NDE1: variants seen among roughly 807,000 people sequenced by gnomAD.
The protein encoded by NDE1 is nuclear distribution protein nudE homolog 1.
NDE1 carries 28 observed loss-of-function variants against 43.4 expected under a neutral mutation model. That is an observed-to-expected ratio of 0.65 (90% CI 0.48 to 0.89). NDE1 has a LOEUF of 0.89. Ranked by LOEUF, NDE1 falls within the 40% of genes least tolerant of loss-of-function variation. The pLI, the probability that NDE1 is intolerant of heterozygous loss-of-function variation, is 0.00. For synonymous variants in NDE1, 184 were observed against 172.0 expected (o/e 1.07, Z -0.55); for missense variants, 441 against 434.1 (o/e 1.02, Z -0.14).
At chr16:15,663,952 G>A (rs1162219113) in intron 1 of NDE1, among the ~76,000 whole-genome samples, 7 of 152,170 alleles carry the variant, frequency 4.6e-5, no homozygotes, top group East Asian at 1.9e-4. Context: ...CTGTAAAATC[G>A]CAGTTGCTCG....
chr16:15,654,794 T>C (rs922555030), intron 1 of NDE1, among the ~76,000 whole-genome samples: 2 of 148,950 alleles, frequency 1.3e-5, no homozygotes, highest in Non-Finnish European at 3.0e-5. Flanking sequence ...ACGGTGTTTC[T>C]GCTTCCAAGA....
At chr16:15,679,841 C>T (rs900965701) in intron 4 of NDE1, among the ~76,000 whole-genome samples, 12 of 152,110 alleles carry the variant, frequency 7.9e-5, no homozygotes, top group Non-Finnish European at 1.6e-4. Flanking sequence ...TGCAGTGGTG[C>T]GATCTCTGCT....
At chr16:15,705,934 G>A (rs966140851) in intron 8 of NDE1, among the ~76,000 whole-genome samples, 1 of 131,904 alleles carries the variant, frequency 7.6e-6, no homozygotes, top group African/African-American at 2.9e-5. Flanking sequence ...GCAGTGAGCC[G>A]AGATGTGGCC....
At chr16:15,697,716 AAGTT>A (rs1479730979) in intron 8 of NDE1, among the ~76,000 whole-genome samples, 1 of 152,048 alleles carries the variant, frequency 6.6e-6, no homozygotes, top group East Asian at 1.9e-4. Context: ...CCATATCAAA[AAGTT>A]AATTAATTAG....
At chr16:15,694,662 G>A in intron 7 of NDE1, 1 of 985,316 alleles carries the variant, frequency 1.0e-6, no homozygotes, top group Non-Finnish European at 1.2e-6. Flanking sequence ...TCATAGCAGT[G>A]TGGTGAGTTT....
chr16:15,646,302 C>T (rs542792127), upstream of NDE1, among the ~76,000 whole-genome samples: 7 of 152,298 alleles, frequency 4.6e-5, no homozygotes, highest in Non-Finnish European at 1.0e-4. Flanking sequence ...GGGGGCCAGG[C>T]GCAGTGGCTC....
chr16:15,719,852 T>C, intron 8 of NDE1: 1 of 1,299,236 alleles, frequency 7.7e-7, no homozygotes, highest in African/African-American at 1.5e-5. Flanking sequence ...AGCATGGCTC[T>C]CAGTTCCAGG....
At chr16:15,694,011 A>G (rs2038885154) in intron 6 of NDE1, among the ~76,000 whole-genome samples, 154 bp from the exon 7 acceptor site, 3 of 152,200 alleles carry the variant, frequency 2.0e-5, no homozygotes, top group African/African-American at 7.2e-5. Flanking sequence ...TGGGTGTGTG[A>G]TGCGGTTAAC....
intron 5 of NDE1, among the ~76,000 whole-genome samples, chr16:15,689,939 A>C (rs1156547565): frequency 0.25 from 7,454 of 29,544 alleles, 206 homozygotes; most frequent in African/African-American, 0.33. Flanking sequence ...ACTCCATCTC[A>C]AAAAAAAAAA....
Position 15,650,262 on chromosome 16 carries a change from C to A in NDE1, c.-76C>A, listed in dbSNP as rs1312387102. 5 of 307,910 alleles carry A rather than the reference C, an allele frequency of 1.6e-5. No homozygotes were observed. Among genetic ancestry groups the A allele is most frequent in the African/African-American group, 6.8e-5 (3 of 44,112 alleles). The allele number at this position is 307,910 out of a possible 1,614,324, so 19.1% of individuals were successfully genotyped here. A position where few individuals can be genotyped will look rare whatever the true frequency, so the allele number is the denominator to read the frequency against. On this transcript the variant is annotated 5_prime_UTR_variant, in exon 1 of 9. Coordinates refer to ENST00000396354, the MANE Select transcript of NDE1 (RefSeq NM_017668.3). ...CGCCCTTCGCAGCCGCCTCTGCCGC[C>A]GCCGCCGCGTTGGCCTCGCCGCCCC...
At chr16:15,693,626 C>T (rs977129210) in intron 6 of NDE1, among the ~76,000 whole-genome samples, 2 of 151,826 alleles carry the variant, frequency 1.3e-5, no homozygotes, top group African/African-American at 4.8e-5. Flanking sequence ...CATAGTGAGA[C>T]CCTGTCTCTA....
At chr16:15,650,826 G>T (rs964868804) in intron 1 of NDE1, among the ~76,000 whole-genome samples, 6 of 151,866 alleles carry the variant, frequency 4.0e-5, no homozygotes, top group African/African-American at 1.2e-4. Context: ...CGTTGCCCCT[G>T]CCCTCACACC....
rs148381495 is a variant in NDE1 at position 15,690,518 on chromosome 16, C to T, written c.524-626C>T. 4.2e-3 allele frequency among the ~76,000 whole-genome samples: 639 copies of T among 151,390 alleles called. 4 individuals are homozygous for T. Among genetic ancestry groups the T allele is most frequent in the African/African-American group, 0.015 (605 of 41,264 alleles). ...GATTACAGGCATGAGTCACTGCTCCCGGGCATATTTTCATTTAGTGTTCTA... is the reference window on the plus strand; with the variant it reads ...GATTACAGGCATGAGTCACTGCTCCTGGGCATATTTTCATTTAGTGTTCTA... On this transcript the variant is annotated intron_variant, in intron 5 of 8. Coordinates refer to ENST00000396354, the MANE Select transcript of NDE1 (RefSeq NM_017668.3).
intron 8 of NDE1, among the ~76,000 whole-genome samples, chr16:15,722,942 C>T (rs1169114444): frequency 2.6e-5 from 4 of 152,106 alleles, no homozygotes; most frequent in African/African-American, 7.2e-5. Context: ...CAAAGTTGCA[C>T]GATGTTGGCC....
Position 15,664,801 on chromosome 16 carries a change from T to A in NDE1, c.23T>A (p.Phe8Tyr). The A allele has an allele frequency of 6.2e-7, 1 of 1,613,692 alleles. No homozygotes were observed. Among genetic ancestry groups the A allele is most frequent in the South Asian group, 1.1e-5 (1 of 91,072 alleles). Reference sequence around the variant, plus strand: ...ACAATGGAGGACTCCGGAAAGACTTTCAGCTCCGAGGAGGAAGAAGCTAAC... The same window carrying A: ...ACAATGGAGGACTCCGGAAAGACTTACAGCTCCGAGGAGGAAGAAGCTAAC... Reference protein sequence around the residue: MEDSGKTFSSEEEEANYW... With the variant: MEDSGKTYSSEEEEANYW... Residue 8 changes from phenylalanine to tyrosine, a missense_variant, in exon 2 of 9, where the codon TTC (phenylalanine) becomes TAC (tyrosine). By Grantham distance (22) the Phe-to-Tyr change is conservative. Transcript: ENST00000396354.
At chr16:15,712,405 G>A (rs202229573) in intron 8 of NDE1, among the ~76,000 whole-genome samples, 16 of 152,086 alleles carry the variant, frequency 1.1e-4, no homozygotes, top group East Asian at 9.7e-4. Flanking sequence ...ATCCCAGCAC[G>A]TGGGGAGGCT....
chr16:15,661,943 C>CT (rs368835782), intron 1 of NDE1, among the ~76,000 whole-genome samples: 12 of 149,608 alleles, frequency 8.0e-5, no homozygotes, highest in Admixed American at 2.0e-4. Context: ...TTCCTACTTT[C>CT]TTTTTTTTTA....
chr16:15,696,551 T>A (rs2039022637), intron 7 of NDE1, among the ~76,000 whole-genome samples, 158 bp from the exon 8 acceptor site: 1 of 152,198 alleles, frequency 6.6e-6, no homozygotes, highest in Non-Finnish European at 1.5e-5. Context: ...GTTCTGAGAC[T>A]GGCATATACG....
At chr16:15,679,320 T>C (rs1776168720) in intron 4 of NDE1, among the ~76,000 whole-genome samples, 1 of 152,074 alleles carries the variant, frequency 6.6e-6, no homozygotes, top group Admixed American at 6.6e-5. Flanking sequence ...TTTTTCTGCC[T>C]CATTCTTTTT....
Sources: allele counts gnomAD v4.1 joint callset (sites outside exome capture counted in the v4.1 genomes callset), GRCh38; gene constraint gnomAD v4.1.1; transcripts MANE v1.5; gene names NCBI Gene and HGNC (gene_info 2026-07-23, HGNC 2026-07-21).